The following VAV3 variants were observed in gnomAD, a reference collection of about 807,000 sequenced individuals.
VAV3 encodes vav guanine nucleotide exchange factor 3.
Under a neutral mutation model 131.2 loss-of-function variants are expected in VAV3, and 94 were observed. The ratio of observed to expected loss-of-function variants is 0.72; its 90% CI spans 0.61 to 0.85. VAV3 has a LOEUF of 0.85. Ranked by LOEUF, VAV3 falls within the 40% of genes least tolerant of loss-of-function variation. The probability of loss-of-function intolerance (pLI) is 0.00; values close to 1 mark genes in which losing one functional copy is unlikely to be tolerated. For synonymous variants in VAV3, 349 were observed against 342.0 expected (o/e 1.02, Z -0.22); for missense variants, 939 against 1,002.7 (o/e 0.94, Z 0.86).
At chr1:107,595,472 C>T (rs1262024818) in intron 25 of VAV3, among the ~76,000 whole-genome samples, 1 of 152,082 alleles carries the variant, frequency 6.6e-6, no homozygotes, top group Non-Finnish European at 1.5e-5. Flanking sequence ...GTATTCACTT[C>T]TTCCCCAAAA....
intron 21 of VAV3, among the ~76,000 whole-genome samples, chr1:107,611,748 C>G (rs1338534584): frequency 6.6e-6 from 1 of 152,094 alleles, no homozygotes; most frequent in Non-Finnish European, 1.5e-5. Flanking sequence ...TAAAACAGAA[C>G]AGGTAACTGA....
intron 1 of VAV3, among the ~76,000 whole-genome samples, chr1:107,896,363 A>G (rs905333973): frequency 2.0e-5 from 3 of 148,284 alleles, no homozygotes; most frequent in Admixed American, 2.0e-4. Context: ...AATCAGGATC[A>G]TCACTGTCCT....
At chr1:107,830,172 C>G (rs903144341) in intron 2 of VAV3, among the ~76,000 whole-genome samples, 1 of 151,916 alleles carries the variant, frequency 6.6e-6, no homozygotes, top group African/African-American at 2.4e-5. Context: ...CACATAAGAT[C>G]ATGCACTATT....
At chr1:107,652,900 C>T (rs1656283383) in intron 19 of VAV3, among the ~76,000 whole-genome samples, 1 of 151,894 alleles carries the variant, frequency 6.6e-6, no homozygotes, top group Admixed American at 6.6e-5. Flanking sequence ...TTACTAAGGC[C>T]CTCTTAATAA....
At chr1:107,790,662 C>T (rs1666237438) in intron 2 of VAV3, among the ~76,000 whole-genome samples, 2 of 145,886 alleles carry the variant, frequency 1.4e-5, no homozygotes, top group Non-Finnish European at 3.0e-5. Context: ...TACATCACTC[C>T]TTCCTTAAAT....
chr1:107,627,416 C>T (rs1356532551), intron 20 of VAV3, among the ~76,000 whole-genome samples: 3 of 152,064 alleles, frequency 2.0e-5, no homozygotes, highest in African/African-American at 4.8e-5. Flanking sequence ...ATTTCAAAAA[C>T]TGGGTATGAG....
At chr1:107,835,485 G>C (rs1279110787) in intron 2 of VAV3, among the ~76,000 whole-genome samples, 4 of 152,210 alleles carry the variant, frequency 2.6e-5, no homozygotes, top group Non-Finnish European at 5.9e-5. Flanking sequence ...GCCAGTGTGA[G>C]AGCTGGGCAT....
At chr1:107,904,513 T>A (rs998856280) in intron 1 of VAV3, among the ~76,000 whole-genome samples, 2 of 152,216 alleles carry the variant, frequency 1.3e-5, no homozygotes, top group Non-Finnish European at 1.5e-5. Context: ...GTTTCTGCAC[T>A]GTGGTCACTG....
chr1:107,814,744 G>A (rs1275672499), intron 2 of VAV3, among the ~76,000 whole-genome samples: 2 of 152,126 alleles, frequency 1.3e-5, no homozygotes, highest in South Asian at 2.1e-4. Context: ...TAATAATTTT[G>A]AGCAATGCAG....
At chr1:107,729,791 A>C (rs1460443032) in intron 15 of VAV3, among the ~76,000 whole-genome samples, 1 of 152,256 alleles carries the variant, frequency 6.6e-6, no homozygotes, top group Non-Finnish European at 1.5e-5. Context: ...GAAAGATTGG[A>C]AAAATAATAA....
At chr1:107,594,445 CA>C (rs897628692) in intron 25 of VAV3, among the ~76,000 whole-genome samples, 9 of 150,848 alleles carry the variant, frequency 6.0e-5, no homozygotes, top group South Asian at 4.2e-4. Context: ...TTCACAATTA[CA>C]AAAAAAAAGT....
At chr1:107,586,863 G>GTAAA (rs1650540443) in intron 25 of VAV3, among the ~76,000 whole-genome samples, 1 of 152,000 alleles carries the variant, frequency 6.6e-6, no homozygotes, top group Non-Finnish European at 1.5e-5. Flanking sequence ...ACTAATCACA[G>GTAAA]TAAATAGCTA....
chr1:107,599,920 C>G (rs747932129), intron 24 of VAV3, among the ~76,000 whole-genome samples: 5 of 150,840 alleles, frequency 3.3e-5, no homozygotes, highest in Middle Eastern at 3.4e-3. Flanking sequence ...TTATTTGACT[C>G]CAACATGATA....
chr1:107,847,639 C>T (rs1669030889), intron 2 of VAV3, among the ~76,000 whole-genome samples: 1 of 152,274 alleles, frequency 6.6e-6, no homozygotes, highest in East Asian at 1.9e-4. Context: ...ATACTATAAA[C>T]ACCTCTACGC....
intron 20 of VAV3, among the ~76,000 whole-genome samples, chr1:107,641,471 T>A (rs1023414285): frequency 6.6e-6 from 1 of 152,166 alleles, no homozygotes; most frequent in Non-Finnish European, 1.5e-5. Context: ...AACATACACA[T>A]GAAATTCGAG....
intron 2 of VAV3, among the ~76,000 whole-genome samples, chr1:107,804,863 A>G (rs1394805346): frequency 6.6e-6 from 1 of 151,774 alleles, no homozygotes; most frequent in African/African-American, 2.4e-5. Context: ...TGAATTCTCT[A>G]AACTTTTGTC....
intron 2 of VAV3, among the ~76,000 whole-genome samples, chr1:107,851,171 C>CAAAAAAAAAAAAA (rs35609784): frequency 2.3e-4 from 16 of 68,482 alleles, no homozygotes; most frequent in Admixed American, 4.4e-4. Flanking sequence ...GACTCCGTCT[C>CAAAAAAAAAAAAA]AAAAAAAAAA....
At chr1:107,771,058 T>C (rs7530428) in intron 5 of VAV3, among the ~76,000 whole-genome samples, 30,328 of 152,116 alleles carry the variant, frequency 0.2, 3,146 homozygotes, top group East Asian at 0.35. Context: ...ACAAATACTA[T>C]AGAAATAACT....
chr1:107,624,097 T>C (rs947381182), intron 20 of VAV3, among the ~76,000 whole-genome samples: 8 of 152,002 alleles, frequency 5.3e-5, no homozygotes, highest in African/African-American at 1.7e-4. Context: ...TTTTGGCAGA[T>C]GGAAGTGTCA....
Sources: allele counts gnomAD v4.1 joint callset (sites outside exome capture counted in the v4.1 genomes callset), GRCh38; gene constraint gnomAD v4.1.1; transcripts MANE v1.5; gene names NCBI Gene and HGNC (gene_info 2026-07-23, HGNC 2026-07-21).